The following CACNG5 variants were observed in gnomAD, a reference collection of about 807,000 sequenced individuals.
The protein encoded by CACNG5 is voltage-dependent calcium channel gamma-5 subunit.
A neutral mutation model predicts 24.8 loss-of-function variants in CACNG5; 18 were observed. The ratio of observed to expected loss-of-function variants is 0.73; its 90% confidence interval spans 0.50 to 1.08. The LOEUF is 1.08. Among genes scored for constraint, CACNG5 ranks in the 50% least tolerant of loss-of-function variants. The pLI is 0.00. For missense variants in CACNG5, 349 were observed against 367.9 expected (o/e 0.95, Z 0.42); for synonymous variants, 157 against 149.1 (o/e 1.05, Z -0.39).
At chr17:66,883,780 G>A (rs1402935205) in intron 4 of CACNG5, among the ~76,000 whole-genome samples, 5 of 152,210 alleles carry the variant, frequency 3.3e-5, no homozygotes, top group Non-Finnish European at 4.4e-5. Context: ...CCCATGGGGC[G>A]TATTTTACCC....
At position 66,885,517 on chromosome 17, in the gene CACNG5, G is replaced by A. The variant is rs1018713680; in HGVS notation, c.*277G>A. The A allele has an allele frequency of 6.1e-5, 26 of 429,010 alleles. No homozygotes were observed. Among genetic ancestry groups the A allele is most frequent in the Admixed American group, 1.2e-4 (3 of 24,686 alleles). The allele number at this position is 429,010 out of a possible 1,614,324, so 26.6% of individuals were successfully genotyped here. A position where few individuals can be genotyped will look rare whatever the true frequency, so the allele number is the denominator to read the frequency against. On this transcript the variant is annotated 3_prime_UTR_variant, in exon 6 of 6. Coordinates refer to ENST00000533854, the MANE Select transcript of CACNG5 (RefSeq NM_145811.3). ...CCAATCACAGCAGTGGCTCCAGGAA[G>A]CCAGCAGCTCCCCCCAAGCCCAGGA...
intron 1 of CACNG5, among the ~76,000 whole-genome samples, chr17:66,846,054 C>T (rs554627746): frequency 2.0e-5 from 3 of 152,300 alleles, no homozygotes; most frequent in South Asian, 4.1e-4. Flanking sequence ...TTTACTGAGC[C>T]GTTACTTCAT....
chr17:66,854,621 G>A (rs973468701), intron 1 of CACNG5, among the ~76,000 whole-genome samples: 8 of 151,754 alleles, frequency 5.3e-5, no homozygotes, highest in African/African-American at 1.9e-4. Flanking sequence ...TTGAATCTGG[G>A]AGGCAGAGGT....
Position 66,877,388 on chromosome 17 carries a change from G to A in CACNG5, c.56G>A (p.Cys19Tyr). ...LTLLSSVFAV[C>Y]GLGLLGIAVS... ...CTGCTGAGCAGTGTCTTTGCTGTCT[G>A]TGGCTTGGGCCTCCTGGGTATCGCG... Residue 19 changes from cysteine (C) to tyrosine (Y), a missense_variant, in exon 2 of 6, where the codon TGT (cysteine) becomes TAT (tyrosine). Physicochemically the swap from Cys to Tyr is radical, Grantham distance 194. Coordinates refer to ENST00000533854, the MANE Select transcript of CACNG5 (RefSeq NM_145811.3). The A allele has an allele frequency of 6.2e-7, 1 of 1,614,162 alleles. No individual in the cohort carries two copies. Among genetic ancestry groups the A allele is most frequent in the South Asian group, 1.1e-5 (1 of 91,084 alleles).
chr17:66,873,642 A>G (rs991496168), intron 1 of CACNG5, among the ~76,000 whole-genome samples: 6 of 152,278 alleles, frequency 3.9e-5, no homozygotes, highest in African/African-American at 7.2e-5. Flanking sequence ...CTTAATAACA[A>G]TACCTTATAC....
Position 66,892,920 on chromosome 17 carries a change from T to G in CACNG5, c.*7680T>G, listed in dbSNP as rs1346469377. 6.6e-6 allele frequency among the ~76,000 whole-genome samples: 1 copy of G among 152,154 alleles called. No individual in the cohort carries two copies. Among genetic ancestry groups the G allele is most frequent in the African/African-American group, 2.4e-5 (1 of 41,432 alleles). On this transcript the variant is annotated 3_prime_UTR_variant, in exon 6 of 6. Transcript: ENST00000533854. The stretch of plus-strand genomic sequence containing the variant: ...TTCACCATCTTCAACCCAGGCACAG[T>G]CTCTTGCAAATGTCGATTCAGATAC...
chr17:66,884,728 T>A, intron 5 of CACNG5, 67 bp downstream of exon 5: 1 of 1,613,176 alleles, frequency 6.2e-7, no homozygotes, highest in Non-Finnish European at 8.5e-7. Flanking sequence ...CCGGGGAGAG[T>A]GGGGATGGGG....
chr17:66,842,550 A>G (rs1976583554), intron 1 of CACNG5, among the ~76,000 whole-genome samples: 1 of 152,124 alleles, frequency 6.6e-6, no homozygotes, highest in Non-Finnish European at 1.5e-5. Context: ...GGCGGAGTTG[A>G]TTAGAGGCCT....
rs181482421 is a variant in CACNG5, at chr17:66,887,808, G to A, written c.*2568G>A. ...TAGCCTGGGAAGATGTGGTTTACAC[G>A]CATCTTAGGAACAGGTTCTCGGTCA... On this transcript the variant is annotated 3_prime_UTR_variant, in exon 6 of 6. Coordinates refer to ENST00000533854, the MANE Select transcript of CACNG5 (RefSeq NM_145811.3). Among the ~76,000 whole-genome samples the A allele has an allele frequency of 6.2e-3, 938 of 152,214 alleles. 5 individuals are homozygous for A. Among genetic ancestry groups the A allele is most frequent in the Admixed American group, 9.2e-3 (141 of 15,294 alleles).
At chr17:66,846,767 C>G (rs533969654) in intron 1 of CACNG5, among the ~76,000 whole-genome samples, 1 of 152,192 alleles carries the variant, frequency 6.6e-6, no homozygotes, top group African/African-American at 2.4e-5. Context: ...GCTTTCAATT[C>G]TCTTGGGTAT....
intron 1 of CACNG5, among the ~76,000 whole-genome samples, chr17:66,873,429 C>G (rs1183302120): frequency 6.6e-6 from 1 of 152,182 alleles, no homozygotes; most frequent in Non-Finnish European, 1.5e-5. Flanking sequence ...CTTTCAGCCT[C>G]TTTTATTTCT....
chr17:66,863,418 G>A (rs1465535704), intron 1 of CACNG5, among the ~76,000 whole-genome samples: 1 of 152,002 alleles, frequency 6.6e-6, no homozygotes, highest in Non-Finnish European at 1.5e-5. Context: ...CCAGGCTGGA[G>A]TGCAGTGGTA....
In CACNG5 at chr17:66,863,461, G is replaced by A. The variant is rs149622177; in HGVS notation, c.-103-13769G>A. On this transcript the variant is annotated intron_variant, in intron 1 of 5. Transcript: ENST00000533854. ...GGCTCACTGCAACCTCCGCCTCCTG[G>A]GTTCAAGCAATTCTCCTACCTCAGC... Among the ~76,000 whole-genome samples the A allele has an allele frequency of 1.2e-3, 189 of 152,116 alleles. 1 individual carries two copies. The highest frequency in any genetic ancestry group is 4.5e-3 in the African/African-American group (188 of 41,506).
intron 3 of CACNG5, 145 bp from the exon 4 acceptor site, chr17:66,880,412 G>C: frequency 1.1e-6 from 1 of 904,898 alleles, no homozygotes; most frequent in East Asian, 2.6e-5. Flanking sequence ...CAGGCCACCT[G>C]ATGGGGGTAG....
chr17:66,837,250 A>G (rs981119720), intron 1 of CACNG5, among the ~76,000 whole-genome samples: 3 of 152,244 alleles, frequency 2.0e-5, no homozygotes, highest in African/African-American at 7.2e-5. Flanking sequence ...AGGATCCCTC[A>G]TGCCATCCTT....
intron 1 of CACNG5, among the ~76,000 whole-genome samples, chr17:66,860,989 T>G (rs1976847443): frequency 6.6e-6 from 1 of 151,858 alleles, no homozygotes; most frequent in Non-Finnish European, 1.5e-5. Context: ...TAATCATATA[T>G]AATACATAAG....
At chr17:66,857,867 C>G (rs1598051018) in intron 1 of CACNG5, among the ~76,000 whole-genome samples, 1 of 152,178 alleles carries the variant, frequency 6.6e-6, no homozygotes, top group Admixed American at 6.5e-5. Flanking sequence ...ATCCCACCCC[C>G]AGAAGGTCAC....
At chr17:66,858,151 C>T (rs1976806775) in intron 1 of CACNG5, among the ~76,000 whole-genome samples, 1 of 152,114 alleles carries the variant, frequency 6.6e-6, no homozygotes, top group Admixed American at 6.5e-5. Flanking sequence ...CATCCTGCAC[C>T]TCCCCGGCCC....
intron 1 of CACNG5, among the ~76,000 whole-genome samples, chr17:66,858,228 C>T (rs1330342018): frequency 6.6e-6 from 1 of 152,182 alleles, no homozygotes. Context: ...AGCTTCCCAA[C>T]CCATGAGTGC....
Sources: gnomAD v4.1 joint callset for allele counts (sites outside exome capture counted in the v4.1 genomes callset) on GRCh38, gnomAD v4.1.1 for gene constraint, MANE v1.5 for transcripts, NCBI Gene and HGNC (gene_info 2026-07-23, HGNC 2026-07-21) for gene names.